PKD1: variants seen among roughly 807,000 people sequenced by gnomAD.
PKD1 encodes the protein polycystin 1, transient receptor potential channel interacting, also known as polycystin-1.
A neutral mutation model predicts 361.7 loss-of-function variants in PKD1; 81 were observed. That is an observed-to-expected ratio of 0.22 (90% CI 0.19 to 0.27). The LOEUF (loss-of-function observed/expected upper bound fraction) is 0.27. PKD1 is among the 10% of genes least tolerant of loss of function. The pLI is 1.00. For missense variants in PKD1, 6,399 were observed against 6,118.3 expected (o/e 1.05, Z -1.53); for synonymous variants, 3,615 against 2,818.3 (o/e 1.28, Z -8.95).
chr16:2,111,267 T>C lies in PKD1; in HGVS notation c.3900A>G (p.Glu1300=). ...LVFVLEVLRV[E]PAACIPTQPD... Reference sequence around the variant, plus strand: ...GCTGCGTGGGGATGCAGGCGGCGGGTTCAACGCGCAGCACCTCCAGGACGA... The same window carrying C: ...GCTGCGTGGGGATGCAGGCGGCGGGCTCAACGCGCAGCACCTCCAGGACGA... The change falls in exon 15 of 46, where the codon GAA becomes GAG. Residue 1300 remains glutamate, a synonymous_variant. Coordinates refer to ENST00000262304, the MANE Select transcript of PKD1 (RefSeq NM_001009944.3). 1 of 1,609,402 alleles carries C rather than the reference T, an allele frequency of 6.2e-7. No individual in the cohort carries two copies.
At position 2,102,400 on chromosome 16, in the gene PKD1, T is replaced by C. The variant is rs1012098795; in HGVS notation, c.9182A>G (p.His3061Arg). The change falls in exon 25 of 46, where the codon CAT (histidine) becomes CGT (arginine). Residue 3061 changes from histidine (H) to arginine (R), a missense_variant. Coordinates refer to ENST00000262304, the MANE Select transcript of PKD1 (RefSeq NM_001009944.3). ...FGASLFVPPS[H>R]VRFVFPEPTA... ...ACTCACAGGAAACACAAAGCGGACA[T>C]GGCTTGGGGGCACGAAGAGGCTGGC... The C allele has an allele frequency of 7.7e-6, 12 of 1,558,622 alleles. No homozygotes were observed. Among genetic ancestry groups the C allele is most frequent in the African/African-American group, 6.8e-5 (5 of 73,450 alleles).
intron 16 of PKD1, 45 bp downstream of exon 16, chr16:2,107,838 G>A (rs1033105493): frequency 1.2e-5 from 18 of 1,525,546 alleles, no homozygotes; most frequent in African/African-American, 5.5e-5. Context: ...GACCAGGGAG[G>A]CTGGGCTGTC....
Position 2,090,586 on chromosome 16 carries a change from A to G in PKD1, c.12143T>C (p.Val4048Ala). 1 of 1,608,824 alleles carries G rather than the reference A, an allele frequency of 6.2e-7. No homozygotes were observed. Among genetic ancestry groups the G allele is most frequent in the Non-Finnish European group, 8.5e-7 (1 of 1,179,762 alleles). The change falls in exon 45 of 46, where the codon GTG becomes GCG. Residue 4048 changes from valine to alanine, a missense_variant. Val to Ala is a moderately conservative substitution (Grantham distance 64). Coordinates refer to ENST00000262304, the MANE Select transcript of PKD1 (RefSeq NM_001009944.3). ...VAYAQLAILL[V>A]SSCVDSLWSV... ...CCAGAGGGAGTCCACACAGGAAGAC[A>G]CGAGCTGCGGGGAAGGCGACACCAG...
In PKD1 at chr16:2,088,794, C is replaced by CAGA. The variant is rs2091255572; in HGVS notation, c.*930_*932dup. ...GAGGCTCTAGAAGCGGCCATGCCCA[C>CAGA]AGAAGTGGTACACAGAAGCAGGCAC... On this transcript the variant is annotated 3_prime_UTR_variant, in exon 46 of 46. Transcript: ENST00000262304. 1.2e-6 allele frequency: 1 copy of CAGA among 805,300 alleles called. No homozygotes were observed. The highest frequency in any genetic ancestry group is 2.7e-5 in the East Asian group (1 of 37,034). The allele number at this position is 805,300 out of a possible 1,614,324, so 49.9% of individuals were successfully genotyped here.
At chr16:2,105,841 C>T (rs764487962) in intron 20 of PKD1, 24 bp downstream of exon 20, 189 of 1,591,752 alleles carry the variant, frequency 1.2e-4, no homozygotes, top group Middle Eastern at 2.2e-4. Flanking sequence ...GCAGATGTGA[C>T]GTCCCCTCCC....
chr16:2,093,367 G>A lies in PKD1; in HGVS notation c.11016+177C>T, dbSNP rs1230069152. 4 of 711,518 alleles carry A rather than the reference G, an allele frequency of 5.6e-6. No homozygotes were observed. In the Admixed American group the frequency reaches 1.0e-4, roughly 18 times the overall value. The allele number at this position is 711,518 out of a possible 1,614,324, so 44.1% of individuals were successfully genotyped here. On this transcript the variant is annotated intron_variant, in intron 37 of 45. Coordinates refer to ENST00000262304, the MANE Select transcript of PKD1 (RefSeq NM_001009944.3). ...TTGGAGCTGGGCCCTGGCAGGGACT[G>A]GGGCAGCAAGTGGGGGGCGTGGGGT...
rs1160863362 is a variant in PKD1 at position 2,116,331 on chromosome 16, C to A, written c.1722+198G>T. ...ACCTGCCTTTCAGGAATAACTCACA[C>A]ACGCTCAGAGAAAAGGCCTGGAGGT... On this transcript the variant is annotated intron_variant, in intron 8 of 45. Coordinates refer to ENST00000262304, the MANE Select transcript of PKD1 (RefSeq NM_001009944.3). 2.6e-5 allele frequency among the ~76,000 whole-genome samples: 4 copies of A among 152,232 alleles called. No homozygotes were observed. In the East Asian group the frequency reaches 7.7e-4, roughly 29 times the overall value.
intron 11 of PKD1, chr16:2,113,719 G>A (rs949159203): frequency 8.4e-6 from 3 of 356,788 alleles, no homozygotes; most frequent in African/African-American, 6.3e-5. Flanking sequence ...CCCCTCCCAA[G>A]GCCCCTGGTG....
rs376013915 is a variant in PKD1 at position 2,108,990 on chromosome 16, G to A, written c.6177C>T (p.Asp2059=). 9.1e-5 allele frequency: 146 copies of A among 1,610,352 alleles called. 1 individual carries two copies. In the South Asian group the frequency reaches 1.0e-3, roughly 11 times the overall value. The stretch of plus-strand genomic sequence containing the variant: ...TCTGCAGGGCCACATACTGGACGGC[G>A]TCCTGAACCTCCAGCACCAGCGTGC... The part of the protein sequence containing the change: ...ENRTLVLEVQ[D]AVQYVALQSG... Residue 2059 remains aspartate, a synonymous_variant, in exon 15 of 46, where the codon GAC becomes GAT. Coordinates refer to ENST00000262304, the MANE Select transcript of PKD1 (RefSeq NM_001009944.3).
At chr16:2,097,824 G>A (rs773224210) in intron 31 of PKD1, 44 bp from the exon 32 acceptor site, 13 of 1,610,470 alleles carry the variant, frequency 8.1e-6, no homozygotes, top group Middle Eastern at 4.5e-4. Context: ...CGCCAAGGCG[G>A]CAGGACCCCC....
In PKD1 at chr16:2,089,322, A is replaced by C. The variant is rs1290175680; in HGVS notation, c.*405T>G. 1.4e-5 allele frequency: 4 copies of C among 279,356 alleles called. No individual in the cohort carries two copies. The highest frequency in any genetic ancestry group is 6.6e-5 in the African/African-American group (3 of 45,718). The allele number at this position is 279,356 out of a possible 1,614,324, so 17.3% of individuals were successfully genotyped here. On this transcript the variant is annotated 3_prime_UTR_variant, in exon 46 of 46. Transcript: ENST00000262304. ...AGTGAGACGGTGCAGGGAGTACGGT[A>C]GGAACTGGAGAGGTAATAACTTAGG... is the stretch of plus-strand genomic sequence containing the variant.
rs1175840168 is a variant in PKD1 at position 2,111,309 on chromosome 16, G to C, written c.3858C>G (p.Ser1286Arg). Residue 1286 changes from serine (S) to arginine (R), a missense_variant, in exon 15 of 46, where the codon AGC becomes AGG. Transcript: ENST00000262304. ...CCAGGACGAAGACCAGCACGTGCAGGCTCCGGGCCAGGTGGCCGGCGGGGC... is the reference window on the plus strand; with the variant it reads ...CCAGGACGAAGACCAGCACGTGCAGCCTCCGGGCCAGGTGGCCGGCGGGGC... ...AASPAGHLARSLHVLVFVLEV... is the reference protein window; with the variant it reads ...AASPAGHLARRLHVLVFVLEV... 1 of 1,608,832 alleles carries C rather than the reference G, an allele frequency of 6.2e-7. No individual in the cohort carries two copies. The highest frequency in any genetic ancestry group is 1.1e-5 in the South Asian group (1 of 90,930).
At position 2,106,000 on chromosome 16, in the gene PKD1, C is replaced by G; in HGVS notation, c.7728G>C (p.Glu2576Asp). The change falls in exon 20 of 46, where the codon GAG (glutamate) becomes GAC (aspartate). Residue 2576 changes from glutamate (E) to aspartate (D), a missense_variant. Coordinates refer to ENST00000262304, the MANE Select transcript of PKD1 (RefSeq NM_001009944.3). ...LNRSLAITLP[E>D]PNGSATGLTV... ...TGAGCCCCGTTGCGCTGCCGTTGGG[C>G]TCTGGGAGGGTGATGGCCAAAGACC... is the stretch of plus-strand genomic sequence containing the variant. The G allele has an allele frequency of 6.2e-7, 1 of 1,605,098 alleles. No individual in the cohort carries two copies. The highest frequency in any genetic ancestry group is 8.5e-7 in the Non-Finnish European group (1 of 1,179,638).
chr16:2,091,887 AGGAG>A lies in PKD1; in HGVS notation c.11427_11430del (p.Ser3810ValfsTer15). The A allele has an allele frequency of 6.2e-7, 1 of 1,611,462 alleles. No individual in the cohort carries two copies. Among genetic ancestry groups the A allele is most frequent in the Non-Finnish European group, 8.5e-7 (1 of 1,179,592 alleles). The stretch of plus-strand genomic sequence containing the variant: ...TAGCCCCCGCTGTCATACACGGCAC[AGGAG>A]CCCCAGGACCATGCCCTGCCGGAGA... On this transcript the variant is annotated frameshift_variant, in exon 41 of 46. Coordinates refer to ENST00000262304, the MANE Select transcript of PKD1 (RefSeq NM_001009944.3). LOFTEE classifies it high-confidence loss of function.
In PKD1 at chr16:2,106,276, G is replaced by T. The variant is rs781158142; in HGVS notation, c.7518C>A (p.Ala2506=). The change falls in exon 19 of 46, where the codon GCC becomes GCA. Residue 2506 remains alanine, a synonymous_variant. Transcript: ENST00000262304. This position sits in a 1 kb window ranked among gnomAD's most constrained non-coding sequence, Gnocchi z 6.5. Reference sequence around the variant, plus strand: ...GCAGCAGCAGGGCGTACACCAGCGGGGCGCCAGCATCCTCCGCGTCATGCC... The same window carrying T: ...GCAGCAGCAGGGCGTACACCAGCGGTGCGCCAGCATCCTCCGCGTCATGCC... ...TGWHDAEDAG[A]PLVYALLLRR... is the part of the protein sequence containing the mutation. The T allele has an allele frequency of 6.2e-7, 1 of 1,610,098 alleles. No homozygotes were observed.
rs770430775 is a variant in PKD1, at chr16:2,110,355, C to T, written c.4812G>A (p.Val1604=). Reference sequence around the variant, plus strand: ...CCGTGACGATGATATTGAAGGTGCCCACGGAGCGGAAGGTGTAAGAGATGG... The same window carrying T: ...CCGTGACGATGATATTGAAGGTGCCTACGGAGCGGAAGGTGTAAGAGATGG... ...GPTISYTFRS[V]GTFNIIVTAE... is the part of the protein sequence containing the mutation. The change falls in exon 15 of 46, where the codon GTG becomes GTA. Residue 1604 remains valine (V), a synonymous_variant. Coordinates refer to ENST00000262304, the MANE Select transcript of PKD1 (RefSeq NM_001009944.3). The T allele has an allele frequency of 1.2e-6, 2 of 1,612,630 alleles. No individual in the cohort carries two copies. Among genetic ancestry groups the T allele is most frequent in the East Asian group, 4.5e-5 (2 of 44,882 alleles).
chr16:2,107,247 G>A lies in PKD1; in HGVS notation c.7066-299C>T, dbSNP rs2854619. 2.6e-5 allele frequency: 12 copies of A among 466,790 alleles called. No homozygotes were observed. The East Asian group carries it at 3.6e-4, about 14-fold the overall frequency. 28.9% of individuals were successfully genotyped at this position (466,790 alleles called of 1,614,324 possible). A position where few individuals can be genotyped will look rare whatever the true frequency, so the allele number is the denominator to read the frequency against. ...GCCCCTGGGGGGATGCGTGTGAGAAGAGACGTATGTGTGGGTGTGAGGACC... is the reference window on the plus strand; with the variant it reads ...GCCCCTGGGGGGATGCGTGTGAGAAAAGACGTATGTGTGGGTGTGAGGACC... On this transcript the variant is annotated intron_variant, in intron 16 of 45. Coordinates refer to ENST00000262304, the MANE Select transcript of PKD1 (RefSeq NM_001009944.3).
intron 1 of PKD1, among the ~76,000 whole-genome samples, chr16:2,124,319 G>A (rs1445686467): frequency 3.9e-5 from 6 of 152,300 alleles, no homozygotes; most frequent in South Asian, 2.1e-4. Context: ...GGGCCCCCTC[G>A]CCCTGGAGCC....
intron 16 of PKD1, chr16:2,107,642 T>C: frequency 1.7e-6 from 1 of 598,766 alleles, no homozygotes; most frequent in South Asian, 1.8e-5. Context: ...CTGTTGGTAT[T>C]GCTAGGGGAC....
Sources: allele counts gnomAD v4.1 joint callset (sites outside exome capture counted in the v4.1 genomes callset), GRCh38; gene constraint gnomAD v4.1.1; non-coding constraint Gnocchi (gnomAD v3.1); transcripts MANE v1.5; gene names NCBI Gene and HGNC (gene_info 2026-07-23, HGNC 2026-07-21).